The following KCND2 variants were observed in gnomAD, a reference collection of about 807,000 sequenced individuals.
The protein encoded by KCND2 is potassium voltage-gated channel subfamily D member 2.
KCND2 carries 16 observed loss-of-function variants against 54.4 expected under a neutral mutation model. The ratio of observed to expected loss-of-function variants is 0.29; its 90% confidence interval spans 0.20 to 0.45. The LOEUF (loss-of-function observed/expected upper bound fraction) is 0.45, where lower values mean the gene tolerates loss of function less well. KCND2 is among the 20% of genes least tolerant of loss of function. The probability of loss-of-function intolerance (pLI) is 1.00; values close to 1 mark genes in which losing one functional copy is unlikely to be tolerated. For synonymous variants in KCND2, 317 were observed against 310.7 expected, an observed-to-expected ratio of 1.02 and a Z score of -0.21; for missense variants, 486 against 824.2, an observed-to-expected ratio of 0.59 and a Z score of 5.02.
chr7:120,301,893 T>TA (rs1799589915), intron 1 of KCND2, among the ~76,000 whole-genome samples: 1 of 152,062 alleles, frequency 6.6e-6, no homozygotes, highest in African/African-American at 2.4e-5. Flanking sequence ...TTGAAAGAGG[T>TA]AACCATATGA....
chr7:120,649,013 A>G (rs1389544746), intron 1 of KCND2, among the ~76,000 whole-genome samples: 3 of 152,222 alleles, frequency 2.0e-5, no homozygotes, highest in Non-Finnish European at 4.4e-5. Flanking sequence ...CACCTATTAT[A>G]AAAACACATA....
chr7:120,722,618 G>C (rs1033387260), intron 1 of KCND2, among the ~76,000 whole-genome samples: 10 of 152,142 alleles, frequency 6.6e-5, no homozygotes, highest in African/African-American at 2.2e-4. Context: ...GGTCATTACT[G>C]GATAATCCAT....
At chr7:120,297,501 C>T (rs570505336) in intron 1 of KCND2, among the ~76,000 whole-genome samples, 36 of 152,102 alleles carry the variant, frequency 2.4e-4, no homozygotes, top group Non-Finnish European at 4.3e-4. Context: ...TGGTGAATAG[C>T]GCCACAGTTA....
At chr7:120,337,034 A>G (rs1800161277) in intron 1 of KCND2, among the ~76,000 whole-genome samples, 1 of 152,152 alleles carries the variant, frequency 6.6e-6, no homozygotes. Context: ...TGGAAAATTC[A>G]TATGACAAGT....
At chr7:120,624,953 T>C (rs1219164726) in intron 1 of KCND2, among the ~76,000 whole-genome samples, 1 of 152,224 alleles carries the variant, frequency 6.6e-6, no homozygotes, top group Admixed American at 6.5e-5. Context: ...AGAATTGACA[T>C]AAATTTTGAT....
chr7:120,675,031 C>T (rs1450645025), intron 1 of KCND2, among the ~76,000 whole-genome samples: 3 of 147,354 alleles, frequency 2.0e-5, no homozygotes, highest in Admixed American at 6.8e-5. Flanking sequence ...AAAAAAAAAA[C>T]TTTTTCTACC....
At chr7:120,393,140 G>A (rs936739799) in intron 1 of KCND2, among the ~76,000 whole-genome samples, 4 of 151,980 alleles carry the variant, frequency 2.6e-5, no homozygotes, top group African/African-American at 7.2e-5. Flanking sequence ...ATGACGTTGA[G>A]TTTGTTTTTT....
intron 1 of KCND2, among the ~76,000 whole-genome samples, chr7:120,509,443 G>A (rs1027095065): frequency 6.6e-6 from 1 of 151,968 alleles, no homozygotes. Flanking sequence ...AATGAAAAGT[G>A]CATTTTAACA....
intron 1 of KCND2, among the ~76,000 whole-genome samples, chr7:120,651,124 C>T (rs141609666): frequency 0.013 from 1,915 of 142,932 alleles, 259 homozygotes; most frequent in Non-Finnish European, 0.018. Flanking sequence ...GCTGGGAGAA[C>T]CACTACTCTC....
intron 1 of KCND2, among the ~76,000 whole-genome samples, chr7:120,535,168 G>A (rs1157849400): frequency 3.3e-5 from 5 of 152,208 alleles, no homozygotes; most frequent in East Asian, 1.9e-4. Flanking sequence ...TACGGTTAAA[G>A]CATGACTTAC....
chr7:120,413,303 T>C (rs1355503016), intron 1 of KCND2, among the ~76,000 whole-genome samples: 1 of 152,052 alleles, frequency 6.6e-6, no homozygotes, highest in African/African-American at 2.4e-5. Context: ...GTACCAAATA[T>C]TAATATTTCA....
chr7:120,670,020 G>A (rs1791971770), intron 1 of KCND2, among the ~76,000 whole-genome samples: 4 of 151,996 alleles, frequency 2.6e-5, no homozygotes, highest in Admixed American at 1.3e-4. Context: ...CTTAGAGGGG[G>A]TGAGGGATAA....
chr7:120,749,257 T>G lies in KCND2; in HGVS notation c.*1399T>G, dbSNP rs1793043789. On this transcript the variant is annotated 3_prime_UTR_variant, in exon 6 of 6. Transcript: ENST00000331113. Reference sequence around the variant, plus strand: ...GCCATTCAGGAAGGCAGCACAAATTTATCTCAGAAAGGTTCCTGTGTATTG... The same window carrying G: ...GCCATTCAGGAAGGCAGCACAAATTGATCTCAGAAAGGTTCCTGTGTATTG... The G allele has an allele frequency of 6.6e-6, 1 of 151,956 alleles. No individual in the cohort carries two copies. The allele number at this position is 151,956 out of a possible 1,614,324, so 9.4% of individuals were successfully genotyped here. A position where few individuals can be genotyped will look rare whatever the true frequency, so the allele number is the denominator to read the frequency against.
At chr7:120,637,051 C>T (rs1039923407) in intron 1 of KCND2, among the ~76,000 whole-genome samples, 1 of 152,078 alleles carries the variant, frequency 6.6e-6, no homozygotes, top group Non-Finnish European at 1.5e-5. Context: ...ATTCAACAGG[C>T]ATACATTGTG....
chr7:120,731,698 T>C (rs1038042271), intron 1 of KCND2, among the ~76,000 whole-genome samples: 25 of 152,184 alleles, frequency 1.6e-4, no homozygotes, highest in African/African-American at 6.0e-4. Flanking sequence ...GAGAGTCAGG[T>C]AAGAAGCTAT....
chr7:120,583,721 C>A (rs1238570133), intron 1 of KCND2, among the ~76,000 whole-genome samples: 1 of 149,056 alleles, frequency 6.7e-6, no homozygotes, highest in Admixed American at 6.7e-5. Flanking sequence ...CTTCAAGGTC[C>A]TTTGATATCT....
At position 120,478,536 on chromosome 7, in the gene KCND2, T is replaced by C. The variant is rs1472038866; in HGVS notation, c.1115+202789T>C. Among the ~76,000 whole-genome samples the C allele has an allele frequency of 2.0e-5, 3 of 152,144 alleles. No individual in the cohort carries two copies. In the East Asian group the frequency reaches 5.8e-4, roughly 29 times the overall value. On this transcript the variant is annotated intron_variant, in intron 1 of 5. Transcript: ENST00000331113. ...AGAGTGGAAATTAACTTACCTTCAG[T>C]GTAAATAATGAATCATGAAAAAAGA...
chr7:120,517,834 A>C (rs1488384601), intron 1 of KCND2, among the ~76,000 whole-genome samples: 1 of 152,132 alleles, frequency 6.6e-6, no homozygotes, highest in Non-Finnish European at 1.5e-5. Context: ...TCAATCTCCT[A>C]CTATTCTCCT....
chr7:120,289,312 A>G (rs1799401555), intron 1 of KCND2, among the ~76,000 whole-genome samples: 1 of 152,056 alleles, frequency 6.6e-6, no homozygotes, highest in Non-Finnish European at 1.5e-5. Context: ...AGCTAAATAA[A>G]AATAAGCTAA....
Sources: gnomAD v4.1 joint callset for allele counts (sites outside exome capture counted in the v4.1 genomes callset) on GRCh38, gnomAD v4.1.1 for gene constraint, MANE v1.5 for transcripts, NCBI Gene and HGNC (gene_info 2026-07-23, HGNC 2026-07-21) for gene names.